ATP9A: variants seen among roughly 807,000 people sequenced by gnomAD.
ATP9A encodes probable phospholipid-transporting ATPase IIA.
Under a neutral mutation model 144.1 loss-of-function variants are expected in ATP9A, and 52 were observed. The ratio of observed to expected loss-of-function variants is 0.36; its 90% confidence interval spans 0.29 to 0.45. The LOEUF is 0.45. Among genes scored for constraint, ATP9A ranks in the 20% least tolerant of loss-of-function variants. The pLI, the probability that ATP9A is intolerant of heterozygous loss-of-function variation, is 1.00. For missense variants in ATP9A, 947 were observed against 1,392.7 expected (o/e 0.68, Z 5.09); for synonymous variants, 582 against 557.4 (o/e 1.04, Z -0.62).
At chr20:51,738,703 C>T (rs2077772710) in intron 1 of ATP9A, among the ~76,000 whole-genome samples, 1 of 151,392 alleles carries the variant, frequency 6.6e-6, no homozygotes, top group South Asian at 2.1e-4. Flanking sequence ...GAGCAAGACT[C>T]TGTCTCAAAA....
At chr20:51,702,213 C>T (rs1444436619) in intron 4 of ATP9A, among the ~76,000 whole-genome samples, 1 of 150,840 alleles carries the variant, frequency 6.6e-6, no homozygotes, top group East Asian at 2.0e-4. Flanking sequence ...GCAGGAGAAT[C>T]GCTTGAACCT....
chr20:51,727,464 T>C (rs934294324), intron 2 of ATP9A, among the ~76,000 whole-genome samples: 8 of 151,522 alleles, frequency 5.3e-5, no homozygotes, highest in African/African-American at 1.9e-4. Flanking sequence ...CATGCACCCG[T>C]AGTCCCAGCT....
At chr20:51,656,900 G>C in intron 14 of ATP9A, 38 bp downstream of exon 14, 1 of 1,576,726 alleles carries the variant, frequency 6.3e-7, no homozygotes, top group Non-Finnish European at 8.7e-7. Context: ...AAAACAAGCA[G>C]GGCCTCCCCA....
At chr20:51,753,237 T>C (rs1245585560) in intron 1 of ATP9A, among the ~76,000 whole-genome samples, 1 of 152,204 alleles carries the variant, frequency 6.6e-6, no homozygotes, top group Non-Finnish European at 1.5e-5. Flanking sequence ...AGAAATATGC[T>C]GTCATTCAAA....
At chr20:51,701,816 A>G (rs1454015772) in intron 4 of ATP9A, among the ~76,000 whole-genome samples, 1 of 152,184 alleles carries the variant, frequency 6.6e-6, no homozygotes, top group African/African-American at 2.4e-5. Flanking sequence ...GAGCTACTGC[A>G]GAGTGCTGTC....
intron 1 of ATP9A, among the ~76,000 whole-genome samples, chr20:51,758,690 G>A (rs776825350): frequency 6.6e-6 from 1 of 152,134 alleles, no homozygotes; most frequent in Non-Finnish European, 1.5e-5. Flanking sequence ...ACTTTGGAAG[G>A]CCAAGGCGGG....
At chr20:51,651,721 G>A (rs2077367509) in intron 14 of ATP9A, among the ~76,000 whole-genome samples, 1 of 151,986 alleles carries the variant, frequency 6.6e-6, no homozygotes, top group Admixed American at 6.6e-5. Flanking sequence ...TTGAGGTTAG[G>A]AGTTTGAGAC....
intron 1 of ATP9A, among the ~76,000 whole-genome samples, chr20:51,758,567 C>A (rs1482580146): frequency 6.6e-6 from 1 of 152,192 alleles, no homozygotes; most frequent in Non-Finnish European, 1.5e-5. Flanking sequence ...CAAAGGGTGC[C>A]CCCATCTCCT....
chr20:51,636,741 G>A (rs555740635), intron 15 of ATP9A, among the ~76,000 whole-genome samples: 1 of 149,824 alleles, frequency 6.7e-6, no homozygotes, highest in South Asian at 2.1e-4. Flanking sequence ...CAGTCCTAAT[G>A]GTACCTACCT....
chr20:51,742,980 G>A (rs1304963041), intron 1 of ATP9A, among the ~76,000 whole-genome samples: 1 of 152,172 alleles, frequency 6.6e-6, no homozygotes, highest in African/African-American at 2.4e-5. Context: ...TATCACTGCA[G>A]CACCCAGAAC....
intron 19 of ATP9A, among the ~76,000 whole-genome samples, chr20:51,619,555 C>G (rs1389650087): frequency 9.5e-6 from 1 of 104,798 alleles, no homozygotes; most frequent in Non-Finnish European, 1.8e-5. Flanking sequence ...CAGAGCAAGA[C>G]TCGTCTTTTA....
intron 8 of ATP9A, 99 bp from the exon 9 acceptor site, chr20:51,689,238 C>A: frequency 8.1e-7 from 1 of 1,228,032 alleles, no homozygotes; most frequent in Non-Finnish European, 1.2e-6. Context: ...AAGACAGGCT[C>A]CCCCCGATGA....
At chr20:51,606,036 A>G (rs985449237) in intron 26 of ATP9A, among the ~76,000 whole-genome samples, 4 of 152,116 alleles carry the variant, frequency 2.6e-5, no homozygotes, top group African/African-American at 9.6e-5. Flanking sequence ...TTGGGAGGCC[A>G]AGGTGGGCGG....
intron 19 of ATP9A, among the ~76,000 whole-genome samples, chr20:51,619,869 C>CAAAAAAAAAAAAAAAAAAAAAA (rs564118011): frequency 1.2e-5 from 1 of 83,906 alleles, no homozygotes; most frequent in African/African-American, 4.5e-5. Context: ...AACTCTGTCT[C>CAAAAAAAAAAAAAAAAAAAAAA]AAAAAAAAAA....
intron 11 of ATP9A, among the ~76,000 whole-genome samples, chr20:51,673,570 T>G (rs955142913): frequency 2.6e-5 from 4 of 152,020 alleles, no homozygotes; most frequent in African/African-American, 9.7e-5. Flanking sequence ...CTATCAACCT[T>G]GCAGAGCTGG....
chr20:51,765,114 C>CCCA (rs1013339749), intron 1 of ATP9A, among the ~76,000 whole-genome samples: 4 of 152,128 alleles, frequency 2.6e-5, no homozygotes, highest in African/African-American at 9.7e-5. Flanking sequence ...GACAGCCTGA[C>CCCA]CCATTACATA....
chr20:51,665,125 C>G (rs6067886), intron 13 of ATP9A, among the ~76,000 whole-genome samples: 74,365 of 151,922 alleles, frequency 0.49, 18,940 homozygotes, highest in East Asian at 0.8. Flanking sequence ...TGCAAATACT[C>G]TGCTAAACGG....
At chr20:51,755,951 T>A (rs1202869979) in intron 1 of ATP9A, among the ~76,000 whole-genome samples, 2 of 144,886 alleles carry the variant, frequency 1.4e-5, no homozygotes, top group East Asian at 2.3e-4. Flanking sequence ...CGAGACTCCA[T>A]CTCAAAGAAA....
intron 9 of ATP9A, 119 bp from the exon 10 acceptor site, chr20:51,676,327 G>C (rs1180118227): frequency 2.7e-6 from 2 of 742,784 alleles, no homozygotes; most frequent in Non-Finnish European, 4.2e-6. Context: ...TTTTGAGACA[G>C]AGTCTTGCTC....
Sources: gnomAD v4.1 joint callset for allele counts (sites outside exome capture counted in the v4.1 genomes callset) on GRCh38, gnomAD v4.1.1 for gene constraint, MANE v1.5 for transcripts, NCBI Gene and HGNC (gene_info 2026-07-23, HGNC 2026-07-21) for gene names.